Variants in FNDC3A observed in about 807,000 individuals in gnomAD.
FNDC3A encodes the protein fibronectin type III domain containing 3A.
Under a neutral mutation model 148.9 loss-of-function variants are expected in FNDC3A, and 32 were observed. The observed-to-expected ratio is 0.21, with a 90% CI of 0.16 to 0.29. The LOEUF (loss-of-function observed/expected upper bound fraction) is 0.29. FNDC3A is among the 10% of genes least tolerant of loss of function. The pLI, the probability that FNDC3A is intolerant of heterozygous loss-of-function variation, is 1.00. For synonymous variants in FNDC3A, 472 were observed against 473.6 expected, an observed-to-expected ratio of 1.00 and a Z score of 0.04; for missense variants, 1,191 against 1,452.8, an observed-to-expected ratio of 0.82 and a Z score of 2.93.
intron 1 of FNDC3A, among the ~76,000 whole-genome samples, chr13:48,988,818 C>T (rs1216200301): frequency 6.7e-6 from 1 of 149,752 alleles, no homozygotes; most frequent in Non-Finnish European, 1.5e-5. Flanking sequence ...GCACTCCAGC[C>T]TGGGTGAGAG....
At chr13:49,181,042 C>T (rs1398226172) in intron 14 of FNDC3A, among the ~76,000 whole-genome samples, 1 of 152,186 alleles carries the variant, frequency 6.6e-6, no homozygotes, top group Non-Finnish European at 1.5e-5. Context: ...GATCGTGTCA[C>T]TGCACTCCAG....
chr13:49,187,613 C>G, intron 16 of FNDC3A: 1 of 1,605,260 alleles, frequency 6.2e-7, no homozygotes. Context: ...GGGCCCTCCT[C>G]ACAGTGGCTC....
intron 2 of FNDC3A, among the ~76,000 whole-genome samples, chr13:49,043,753 CTT>C (rs1442811152): frequency 6.6e-6 from 1 of 151,902 alleles, no homozygotes; most frequent in African/African-American, 2.4e-5. Context: ...CCCCCATAAA[CTT>C]TTTGTATTCT....
intron 7 of FNDC3A, among the ~76,000 whole-genome samples, chr13:49,139,222 G>A (rs1359104711): frequency 6.6e-6 from 1 of 152,090 alleles, no homozygotes; most frequent in African/African-American, 2.4e-5. Flanking sequence ...GGAAGGAATG[G>A]GAGAGGGAGA....
chr13:48,997,066 GAA>G (rs5803452), intron 1 of FNDC3A, among the ~76,000 whole-genome samples: 8 of 99,544 alleles, frequency 8.0e-5, no homozygotes, highest in Admixed American at 1.0e-4. Flanking sequence ...TCCGTCTCAA[GAA>G]AAAAAAAAAA....
rs1886807855 is a variant in FNDC3A at position 49,209,707 on chromosome 13, A to C, written c.*2312A>C. 1.3e-5 allele frequency: 2 copies of C among 152,360 alleles called. 1 individual carries two copies. The highest frequency in any genetic ancestry group is 4.1e-4 in the South Asian group (2 of 4,832). 9.4% of individuals were successfully genotyped at this position (152,360 alleles called of 1,614,324 possible). On this transcript the variant is annotated 3_prime_UTR_variant, in exon 26 of 26. Coordinates refer to ENST00000492622, the MANE Select transcript of FNDC3A (RefSeq NM_001079673.2). ...AAAACATTTTTCCCAACAGTATATA[A>C]ATCTTCAACATGAGAGGATGTATAT...
intron 18 of FNDC3A, 21 bp from the exon 19 acceptor site, chr13:49,191,188 A>G (rs1321265634): frequency 1.9e-6 from 3 of 1,605,880 alleles, no homozygotes; most frequent in Middle Eastern, 1.7e-4. Context: ...GTTAAATTGC[A>G]TTAATCTTTC....
intron 8 of FNDC3A, 113 bp from the exon 9 acceptor site, chr13:49,167,131 T>C: frequency 1.7e-6 from 1 of 577,766 alleles, no homozygotes; most frequent in South Asian, 3.4e-5. Context: ...ACAGTTACAG[T>C]TGGTAAAGAA....
intron 9 of FNDC3A, among the ~76,000 whole-genome samples, chr13:49,168,196 A>G (rs1449546782): frequency 1.3e-5 from 2 of 152,196 alleles, no homozygotes; most frequent in East Asian, 3.8e-4. Flanking sequence ...TGTACTTACT[A>G]TGGATATACT....
At chr13:49,135,071 G>C (rs901335109) in intron 5 of FNDC3A, among the ~76,000 whole-genome samples, 1 of 151,588 alleles carries the variant, frequency 6.6e-6, no homozygotes, top group East Asian at 1.9e-4. Context: ...TGGCCAGGCC[G>C]GTCTTGAACT....
At position 49,111,340 on chromosome 13, in the gene FNDC3A, T is replaced by C. The variant is rs149694885; in HGVS notation, c.176-3315T>C. On this transcript the variant is annotated intron_variant, in intron 3 of 25. Transcript: ENST00000492622. ...TAAACATCGATACTTGTATTTATTA[T>C]GTTTATACAATAGGGGTTTGCATTC... 2.7e-3 allele frequency among the ~76,000 whole-genome samples: 407 copies of C among 152,338 alleles called. 2 individuals carry two copies. Among genetic ancestry groups the C allele is most frequent in the African/African-American group, 7.7e-3 (319 of 41,582 alleles).
At chr13:49,156,468 T>G (rs1207810063) in intron 8 of FNDC3A, among the ~76,000 whole-genome samples, 1 of 151,170 alleles carries the variant, frequency 6.6e-6, no homozygotes, top group Non-Finnish European at 1.5e-5. Flanking sequence ...TCTTGACTCT[T>G]TATCCAATTT....
intron 8 of FNDC3A, among the ~76,000 whole-genome samples, chr13:49,161,639 C>T (rs1048810940): frequency 2.0e-4 from 31 of 152,220 alleles, no homozygotes; most frequent in Non-Finnish European, 4.0e-4. Context: ...TGAATTTGAT[C>T]CTGTCATTAT....
Position 49,208,869 on chromosome 13 carries a change from AAG to A in FNDC3A, c.*1476_*1477del, listed in dbSNP as rs1239954735. ...AAGCACTTCTGTCAGTCTTTGAAAA[AAG>A]AACGTATTTTTTGTGCTTTGAAGAT... On this transcript the variant is annotated 3_prime_UTR_variant, in exon 26 of 26. Coordinates refer to ENST00000492622, the MANE Select transcript of FNDC3A (RefSeq NM_001079673.2). 2 of 152,600 alleles carry A rather than the reference AAG, an allele frequency of 1.3e-5. No individual in the cohort carries two copies. Among genetic ancestry groups the A allele is most frequent in the African/African-American group, 2.4e-5 (1 of 41,438 alleles). 9.5% of individuals were successfully genotyped at this position (152,600 alleles called of 1,614,324 possible).
intron 21 of FNDC3A, 43 bp from the exon 22 acceptor site, chr13:49,197,939 A>G (rs747295106): frequency 5.7e-6 from 9 of 1,590,716 alleles, no homozygotes; most frequent in Non-Finnish European, 7.7e-6. Flanking sequence ...TGGCATTTTC[A>G]TGGTCATGAC....
intron 25 of FNDC3A, 126 bp downstream of exon 25, chr13:49,203,410 G>A: frequency 1.6e-6 from 1 of 631,900 alleles, no homozygotes; most frequent in Non-Finnish European, 2.7e-6. Flanking sequence ...TATATATTAT[G>A]TTCCAGAGAT....
intron 3 of FNDC3A, among the ~76,000 whole-genome samples, chr13:49,081,685 A>G (rs184952873): frequency 6.9e-4 from 105 of 152,340 alleles, no homozygotes; most frequent in African/African-American, 2.3e-3. Context: ...TTGATCATGG[A>G]TTAACCACAT....
intron 5 of FNDC3A, among the ~76,000 whole-genome samples, chr13:49,135,757 A>G (rs1208233502): frequency 1.3e-5 from 2 of 152,180 alleles, no homozygotes; most frequent in Non-Finnish European, 2.9e-5. Context: ...TTTTATTAGA[A>G]TGAGTGGATT....
chr13:49,043,975 G>A (rs1324059981), intron 2 of FNDC3A: 1 of 152,196 alleles, frequency 6.6e-6, no homozygotes, highest in African/African-American at 2.4e-5. Context: ...TTAACAAATT[G>A]TTTGTAGTTT....
Sources: gnomAD v4.1 joint callset for allele counts (sites outside exome capture counted in the v4.1 genomes callset) on GRCh38, gnomAD v4.1.1 for gene constraint, MANE v1.5 for transcripts, NCBI Gene and HGNC (gene_info 2026-07-23, HGNC 2026-07-21) for gene names.